The following DFFA variants were observed in gnomAD, a reference collection of about 807,000 sequenced individuals.
DFFA encodes DNA fragmentation factor subunit alpha.
In DFFA, 14 loss-of-function variants were observed where a neutral mutation model predicts 28.0. The ratio of observed to expected loss-of-function variants is 0.50; its 90% CI spans 0.33 to 0.78. The LOEUF (loss-of-function observed/expected upper bound fraction) is 0.78. Among genes scored for constraint, DFFA ranks in the 30% least tolerant of loss-of-function variants. The pLI is 0.02. For missense variants in DFFA, 395 were observed against 407.1 expected, an observed-to-expected ratio of 0.97 and a Z score of 0.26; for synonymous variants, 158 against 170.3, an observed-to-expected ratio of 0.93 and a Z score of 0.56.
rs886564830 is a variant in DFFA, at chr1:10,460,137, CAG to C, written c.*1351_*1352del. The C allele has an allele frequency of 2.0e-5, 3 of 151,892 alleles. No homozygotes were observed. Among genetic ancestry groups the C allele is most frequent in the African/African-American group, 7.2e-5 (3 of 41,390 alleles). 9.4% of individuals were successfully genotyped at this position (151,892 alleles called of 1,614,324 possible). A position where few individuals can be genotyped will look rare whatever the true frequency, so the allele number is the denominator to read the frequency against. On this transcript the variant is annotated 3_prime_UTR_variant, in exon 6 of 6. Coordinates refer to ENST00000377038, the MANE Select transcript of DFFA (RefSeq NM_004401.3). The stretch of plus-strand genomic sequence containing the variant: ...GCACGTGCCTGTAATCCCAGCTGCT[CAG>C]GAGGCTGAAACAGGAGAATCGCTTG...
intron 5 of DFFA, chr1:10,462,669 A>G: frequency 9.7e-7 from 1 of 1,027,928 alleles, no homozygotes; most frequent in Non-Finnish European, 1.2e-6. Flanking sequence ...CTTAGCCAGC[A>G]GGCGACGATC....
intron 3 of DFFA, among the ~76,000 whole-genome samples, chr1:10,464,021 C>T (rs1456516376): frequency 1.3e-5 from 2 of 151,914 alleles, no homozygotes; most frequent in Non-Finnish European, 2.9e-5. Context: ...TTTCAGAACT[C>T]AATGCATCCA....
At chr1:10,468,114 C>T (rs1641047110) in intron 2 of DFFA, among the ~76,000 whole-genome samples, 1 of 134,592 alleles carries the variant, frequency 7.4e-6, no homozygotes, top group Non-Finnish European at 1.6e-5. Context: ...AATTTTGTGG[C>T]ACACTTCAGG....
chr1:10,468,387 T>G (rs1025354165), intron 2 of DFFA, among the ~76,000 whole-genome samples: 9 of 150,536 alleles, frequency 6.0e-5, no homozygotes, highest in Non-Finnish European at 1.3e-4. Flanking sequence ...ATCACAGTTG[T>G]GGGGGGAGGT....
intron 5 of DFFA, chr1:10,462,274 G>A (rs1018850982): frequency 2.0e-5 from 5 of 244,704 alleles, no homozygotes; most frequent in African/African-American, 1.2e-4. Flanking sequence ...TCTTGCTTCA[G>A]CCTCCCACCA....
Position 10,458,998 on chromosome 1 carries a change from G to T in DFFA, c.*2492C>A, listed in dbSNP as rs537143872. The T allele has an allele frequency of 6.6e-6, 1 of 151,908 alleles. No individual in the cohort carries two copies. Among genetic ancestry groups the T allele is most frequent in the Admixed American group, 6.6e-5 (1 of 15,204 alleles). 9.4% of individuals were successfully genotyped at this position (151,908 alleles called of 1,614,324 possible). ...CTCCCAAGTAACTGGGACTACAGGC[G>T]TGTACCACTACACCCGGCTAATTTT... On this transcript the variant is annotated 3_prime_UTR_variant, in exon 6 of 6. Transcript: ENST00000377038.
At chr1:10,462,525 A>G (rs1640962826) in intron 5 of DFFA, 6 of 989,802 alleles carry the variant, frequency 6.1e-6, no homozygotes, top group Non-Finnish European at 6.0e-6. Context: ...CAGGAAATTT[A>G]GCCAAGCTCA....
chr1:10,467,122 TAAG>T (rs1215300588), intron 3 of DFFA, 65 bp downstream of exon 3: 8 of 1,582,624 alleles, frequency 5.1e-6, no homozygotes, highest in Non-Finnish European at 6.9e-6. Flanking sequence ...GTATGGAAGC[TAAG>T]AAGGTGCTGG....
intron 3 of DFFA, among the ~76,000 whole-genome samples, chr1:10,466,952 CAAAAAAAAAA>C (rs34597195): frequency 0.027 from 890 of 32,788 alleles, 19 homozygotes; most frequent in African/African-American, 0.068. Flanking sequence ...GACTGTGTCT[CAAAAAAAAAA>C]AAAAAAAAAA....
chr1:10,461,309 A>T lies in DFFA; in HGVS notation c.*181T>A. 2.1e-6 allele frequency: 2 copies of T among 952,136 alleles called. No individual in the cohort carries two copies. Among genetic ancestry groups the T allele is most frequent in the South Asian group, 3.6e-5 (2 of 54,960 alleles). The allele number at this position is 952,136 out of a possible 1,614,324, so 59.0% of individuals were successfully genotyped here. On this transcript the variant is annotated 3_prime_UTR_variant, in exon 6 of 6. Transcript: ENST00000377038. ...TCATTCAAAATTGGCAGAAGTCCTG[A>T]AGCTGGTGGGGCTAAAAAAAAAATT...
intron 3 of DFFA, among the ~76,000 whole-genome samples, chr1:10,466,202 G>C (rs765755470): frequency 2.6e-5 from 4 of 151,198 alleles, no homozygotes; most frequent in Non-Finnish European, 4.4e-5. Context: ...TTTTCTTTTT[G>C]AGATGGAGTC....
At chr1:10,463,037 G>C in intron 5 of DFFA, 21 bp downstream of exon 5, 1 of 1,614,052 alleles carries the variant, frequency 6.2e-7, no homozygotes, top group Non-Finnish European at 8.5e-7. Context: ...CTGTAGCTCA[G>C]TGACCCTGGT....
At chr1:10,467,357 T>G (rs1298456451) in intron 2 of DFFA, 25 bp from the exon 3 acceptor site, 1 of 1,613,936 alleles carries the variant, frequency 6.2e-7, no homozygotes, top group South Asian at 1.1e-5. Context: ...AAAATGCCAG[T>G]CACAGAACAA....
In DFFA at chr1:10,467,221, C is replaced by T; in HGVS notation, c.410G>A (p.Ser137Asn). The stretch of plus-strand genomic sequence containing the variant: ...GTCCTCCTCTGATAGGAGGATGATG[C>T]TGGACAGATCTTCTTTCAGCTGCCT... ...VARQLKEDLS[S>N]IILLSEEDLQ... The change falls in exon 3 of 6, where the codon AGC becomes AAC. Residue 137 changes from serine to asparagine, a missense_variant. By Grantham distance (46) the Ser-to-Asn change is conservative. Coordinates refer to ENST00000377038, the MANE Select transcript of DFFA (RefSeq NM_004401.3). 6.2e-7 allele frequency: 1 copy of T among 1,614,124 alleles called. No homozygotes were observed. Among genetic ancestry groups the T allele is most frequent in the Non-Finnish European group, 8.5e-7 (1 of 1,180,026 alleles).
At position 10,459,704 on chromosome 1, in the gene DFFA, T is replaced by C. The variant is rs1274202592; in HGVS notation, c.*1786A>G. On this transcript the variant is annotated 3_prime_UTR_variant, in exon 6 of 6. Transcript: ENST00000377038. ...GAATTGGAAATACGACCATTTCTTTTCATTGCCCTTGATGGTTACCTTTTT... is the reference window on the plus strand; with the variant it reads ...GAATTGGAAATACGACCATTTCTTTCCATTGCCCTTGATGGTTACCTTTTT... 6.6e-6 allele frequency: 1 copy of C among 151,634 alleles called. No homozygotes were observed. Among genetic ancestry groups the C allele is most frequent in the African/African-American group, 2.4e-5 (1 of 41,226 alleles). 9.4% of individuals were successfully genotyped at this position (151,634 alleles called of 1,614,324 possible).
rs971224169 is a variant in DFFA, at chr1:10,463,273, G to A, written c.632-64C>T. 15 of 1,586,702 alleles carry A rather than the reference G, an allele frequency of 9.5e-6. No individual in the cohort carries two copies. The highest frequency in any genetic ancestry group is 1.7e-5 in the Admixed American group (1 of 58,758). On this transcript the variant is annotated intron_variant, in intron 4 of 5. Coordinates refer to ENST00000377038, the MANE Select transcript of DFFA (RefSeq NM_004401.3). ...GACCACACAGCCACATGAACAACTC[G>A]CCAGAATAACTGGCCGGGCAAGAGA...
intron 1 of DFFA, among the ~76,000 whole-genome samples, chr1:10,469,694 T>C (rs1290957594): frequency 6.6e-6 from 1 of 152,142 alleles, no homozygotes; most frequent in Non-Finnish European, 1.5e-5. Flanking sequence ...CTAATTTTTG[T>C]ATTTTTAGTA....
In DFFA at chr1:10,461,645, T is replaced by C. The variant is rs767131713; in HGVS notation, c.841A>G (p.Lys281Glu). Reference protein sequence around the residue: ...LAVALNWDIKKTETVQEACER... With the variant: ...LAVALNWDIKETETVQEACER... ...CAGGCCTCCTGAACAGTCTCCGTCTTCTTTATGTCCCAGTTCAAGGCAACA... is the reference window on the plus strand; with the variant it reads ...CAGGCCTCCTGAACAGTCTCCGTCTCCTTTATGTCCCAGTTCAAGGCAACA... Residue 281 changes from lysine to glutamate, a missense_variant, in exon 6 of 6, where the codon AAG becomes GAG. Transcript: ENST00000377038. The C allele has an allele frequency of 3.1e-6, 5 of 1,614,206 alleles. No homozygotes were observed. In the Admixed American group the frequency reaches 8.3e-5, roughly 27 times the overall value.
chr1:10,462,457 C>G, intron 5 of DFFA: 1 of 987,770 alleles, frequency 1.0e-6, no homozygotes, highest in South Asian at 4.7e-5. Context: ...TCTTACAACA[C>G]CAACAGGAAG....
Sources: allele counts gnomAD v4.1 joint callset (sites outside exome capture counted in the v4.1 genomes callset), GRCh38; gene constraint gnomAD v4.1.1; transcripts MANE v1.5; gene names NCBI Gene and HGNC (gene_info 2026-07-23, HGNC 2026-07-21).